The following GPHN variants were observed in gnomAD, a reference collection of about 807,000 sequenced individuals.
The protein encoded by GPHN is gephyrin.
GPHN carries 17 observed loss-of-function variants against 95.5 expected under a neutral mutation model. That is an observed-to-expected ratio of 0.18 (90% CI 0.12 to 0.27). The LOEUF is 0.27. Among genes scored for constraint, GPHN ranks in the 10% least tolerant of loss-of-function variants. GPHN has a pLI of 1.00. For missense variants in GPHN, 660 were observed against 978.1 expected (o/e 0.67, Z 4.34); for synonymous variants, 320 against 322.5 (o/e 0.99, Z 0.08).
chr14:66,968,923 T>C (rs765112607), intron 9 of GPHN: 1 of 147,742 alleles, frequency 6.8e-6, no homozygotes, highest in East Asian at 1.9e-4. Flanking sequence ...TATATAGATA[T>C]ATTGCAGTAT....
At position 66,550,879 on chromosome 14, in the gene GPHN, C is replaced by T. The variant is rs375718686; in HGVS notation, c.64+42288C>T. 1.5e-4 allele frequency among the ~76,000 whole-genome samples: 22 copies of T among 151,666 alleles called. No individual in the cohort carries two copies. In the East Asian group the frequency reaches 1.7e-3, roughly 12 times the overall value. ...TTGTTGTTGTTGTTTTTTTTTGAGA[C>T]GGAGTCTCACTCTGTCGCCCAGGCT... On this transcript the variant is annotated intron_variant, in intron 1 of 22. Coordinates refer to ENST00000478722, the MANE Select transcript of GPHN (RefSeq NM_020806.5).
the GPHN span, among the ~76,000 whole-genome samples, chr14:67,657,751 C>CTTTTT: frequency 1.7e-5 from 2 of 115,118 alleles, no homozygotes; most frequent in South Asian, 2.8e-4. Context: ...TTCTTTCTTT[C>CTTTTT]TTTTTTTTTT....
At chr14:67,041,788 G>A (rs936407590) in intron 10 of GPHN, among the ~76,000 whole-genome samples, 3 of 152,024 alleles carry the variant, frequency 2.0e-5, no homozygotes, top group South Asian at 2.1e-4. Flanking sequence ...TTGATGAATC[G>A]CCACACTGTC....
intron 9 of GPHN, among the ~76,000 whole-genome samples, chr14:66,992,505 C>T (rs1348955995): frequency 2.6e-5 from 4 of 152,016 alleles, no homozygotes; most frequent in South Asian, 2.1e-4. Flanking sequence ...CAATTAATTT[C>T]CTGAATGCCA....
the GPHN span, among the ~76,000 whole-genome samples, chr14:67,212,976 C>T: frequency 6.6e-6 from 1 of 151,630 alleles, no homozygotes; most frequent in South Asian, 2.1e-4. Context: ...GAGTTGTTCT[C>T]AAAATGAGGA....
chr14:66,904,358 T>C lies in GPHN; in HGVS notation c.390-11645T>C, dbSNP rs112596882. On this transcript the variant is annotated intron_variant, in intron 5 of 22. Coordinates refer to ENST00000478722, the MANE Select transcript of GPHN (RefSeq NM_020806.5). ...CTGATTGGTCCATTTTACAGTGTGC[T>C]GATTTGTCCATTTTACAGAGGGCTG... Among the ~76,000 whole-genome samples the C allele has an allele frequency of 3.1e-3, 469 of 152,284 alleles. 11 individuals are homozygous for C. The highest frequency in any genetic ancestry group is 0.011 in the African/African-American group (444 of 41,562).
chr14:67,074,770 G>A lies in GPHN; in HGVS notation c.1145-14213G>A, dbSNP rs186870250. 3.7e-4 allele frequency among the ~76,000 whole-genome samples: 56 copies of A among 152,236 alleles called. 1 individual carries two copies. The South Asian group carries it at 0.01, about 28-fold the overall frequency. ...GACCAACATTCCCTTAAGCCAAAGC[G>A]TAATCCAGAGCAAGGCCCTAACTCT... On this transcript the variant is annotated intron_variant, in intron 11 of 22. Transcript: ENST00000478722.
intron 2 of GPHN, among the ~76,000 whole-genome samples, chr14:66,683,727 C>T (rs2067152844): frequency 6.6e-6 from 1 of 151,280 alleles, no homozygotes; most frequent in Admixed American, 6.6e-5. Context: ...CCTGTAATCC[C>T]AGCACTTTGG....
chr14:66,772,379 C>T (rs780533030), intron 2 of GPHN, among the ~76,000 whole-genome samples: 1 of 152,210 alleles, frequency 6.6e-6, no homozygotes, highest in African/African-American at 2.4e-5. Context: ...ATTTTGGACT[C>T]ATGACTTTCA....
intron 1 of GPHN, among the ~76,000 whole-genome samples, chr14:66,572,043 G>A (rs1415057396): frequency 6.6e-6 from 1 of 152,092 alleles, no homozygotes; most frequent in Non-Finnish European, 1.5e-5. Context: ...TTTCTCCATT[G>A]TGCATTCTTG....
intron 1 of GPHN, among the ~76,000 whole-genome samples, chr14:66,523,442 A>G (rs1048897757): frequency 2.6e-5 from 4 of 152,116 alleles, no homozygotes; most frequent in Admixed American, 1.3e-4. Flanking sequence ...CACTCCCTCC[A>G]AAATAGTTAT....
chr14:67,074,862 T>G (rs1357667701), intron 11 of GPHN, among the ~76,000 whole-genome samples: 1 of 152,108 alleles, frequency 6.6e-6, no homozygotes, highest in Non-Finnish European at 1.5e-5. Context: ...CCAGCAGAGG[T>G]TGGCTTATGA....
chr14:67,562,052 G>A, the GPHN span: 1 of 1,611,446 alleles, frequency 6.2e-7, no homozygotes, highest in South Asian at 1.1e-5. Flanking sequence ...AGGCCAGGGT[G>A]TGCAGGTGTG....
At chr14:67,175,898 C>T (rs539209175) in intron 21 of GPHN, among the ~76,000 whole-genome samples, 12 of 152,130 alleles carry the variant, frequency 7.9e-5, no homozygotes, top group African/African-American at 2.2e-4. Context: ...TTGGTGTATA[C>T]GAATGCTTGT....
At chr14:67,116,535 A>C (rs2078707238) in intron 16 of GPHN, among the ~76,000 whole-genome samples, 1 of 152,152 alleles carries the variant, frequency 6.6e-6, no homozygotes, top group Non-Finnish European at 1.5e-5. Flanking sequence ...TAAAAAATAG[A>C]AAAAGAAAAC....
intron 9 of GPHN, among the ~76,000 whole-genome samples, chr14:67,020,045 T>C (rs778991198): frequency 1.3e-5 from 2 of 152,182 alleles, no homozygotes; most frequent in Non-Finnish European, 2.9e-5. Flanking sequence ...CATGCATCTT[T>C]CACTGTTAAA....
the GPHN span, among the ~76,000 whole-genome samples, chr14:67,704,647 G>C: frequency 6.6e-6 from 1 of 152,164 alleles, no homozygotes; most frequent in Non-Finnish European, 1.5e-5. Flanking sequence ...ATGGAGTAGA[G>C]TAAGAGTGCC....
chr14:66,837,828 A>G (rs1218208197), intron 4 of GPHN, among the ~76,000 whole-genome samples: 2 of 151,878 alleles, frequency 1.3e-5, no homozygotes, highest in African/African-American at 4.8e-5. Context: ...CTTTAAATAT[A>G]TATCCTAATT....
At chr14:67,401,395 C>T in the GPHN span, among the ~76,000 whole-genome samples, 1 of 151,958 alleles carries the variant, frequency 6.6e-6, no homozygotes, top group African/African-American at 2.4e-5. Flanking sequence ...GCCTGTAGTC[C>T]AAGCTACTTG....
Sources: allele counts gnomAD v4.1 joint callset (sites outside exome capture counted in the v4.1 genomes callset), GRCh38; gene constraint gnomAD v4.1.1; transcripts MANE v1.5; gene names NCBI Gene and HGNC (gene_info 2026-07-23, HGNC 2026-07-21).